Variants in DLGAP2 observed in about 807,000 individuals in gnomAD.
DLGAP2 encodes the protein DLG associated protein 2.
DLGAP2 carries 26 observed loss-of-function variants against 100.3 expected under a neutral mutation model. That is an observed-to-expected ratio of 0.26 (90% CI 0.19 to 0.36). The LOEUF (loss-of-function observed/expected upper bound fraction) is 0.36. Ranked by LOEUF, DLGAP2 falls within the 10% of genes least tolerant of loss-of-function variation. DLGAP2 has a pLI of 1.00. For missense variants in DLGAP2, 1,858 were observed against 1,453.2 expected (o/e 1.28, Z -4.53); for synonymous variants, 886 against 630.1 (o/e 1.41, Z -6.08).
At chr8:943,747 C>G (rs374889250) in intron 2 of DLGAP2, among the ~76,000 whole-genome samples, 1 of 152,240 alleles carries the variant, frequency 6.6e-6, no homozygotes, top group East Asian at 1.9e-4. Flanking sequence ...ACAGCGAGAA[C>G]CGCTCTGTAC....
chr8:1,408,355 T>G (rs1173881560), intron 3 of DLGAP2, among the ~76,000 whole-genome samples: 1 of 152,228 alleles, frequency 6.6e-6, no homozygotes, highest in African/African-American at 2.4e-5. Context: ...GGCGTCTGTG[T>G]TCTCATCAGG....
intron 2 of DLGAP2, among the ~76,000 whole-genome samples, chr8:1,025,437 A>G (rs1801770021): frequency 6.6e-6 from 1 of 152,204 alleles, no homozygotes; most frequent in Non-Finnish European, 1.5e-5. Flanking sequence ...AGAGAAGCCC[A>G]TTTTCTGGTT....
At chr8:811,514 C>G (rs1216805173) in intron 1 of DLGAP2, among the ~76,000 whole-genome samples, 1 of 147,846 alleles carries the variant, frequency 6.8e-6, no homozygotes, top group Non-Finnish European at 1.5e-5. Context: ...TGAGAGGCCA[C>G]CAGCTTTCGG....
chr8:1,381,782 A>AGTGTGTGTGT lies in DLGAP2; in HGVS notation c.107-119551_107-119542dup, dbSNP rs72529197. 5.1e-3 allele frequency among the ~76,000 whole-genome samples: 724 copies of AGTGTGTGTGT among 141,768 alleles called. 2 individuals are homozygous for AGTGTGTGTGT. The highest frequency in any genetic ancestry group is 0.017 in the East Asian group (81 of 4,752). The allele number at this position is 141,768 out of a possible 152,430, so 93.0% of individuals were successfully genotyped here. ...CCTTAGTAAATCTGAGGGTTATTCT[A>AGTGTGTGTGT]GTGTGTGTGTGTGTGTGTGTGTGTG... On this transcript the variant is annotated intron_variant, in intron 3 of 14. Coordinates refer to ENST00000637795, the MANE Select transcript of DLGAP2 (RefSeq NM_001346810.2).
intron 2 of DLGAP2, among the ~76,000 whole-genome samples, chr8:1,131,255 C>T (rs907473430): frequency 9.9e-5 from 15 of 152,216 alleles, no homozygotes; most frequent in African/African-American, 2.9e-4. Context: ...TCAGGAAAAA[C>T]GAGTGACTGG....
At chr8:1,481,862 C>A (rs544641216) in intron 3 of DLGAP2, among the ~76,000 whole-genome samples, 1 of 152,334 alleles carries the variant, frequency 6.6e-6, no homozygotes, top group South Asian at 2.1e-4. Flanking sequence ...AAACTAAACT[C>A]ATGTCAGGGC....
At chr8:962,380 T>C (rs528769747) in intron 2 of DLGAP2, among the ~76,000 whole-genome samples, 70 of 152,322 alleles carry the variant, frequency 4.6e-4, no homozygotes, top group African/African-American at 1.6e-3. Flanking sequence ...ACTTTTGTTC[T>C]GCCTGATCTT....
chr8:1,601,945 G>GATGTGTGTGT (rs1554506576), intron 6 of DLGAP2, among the ~76,000 whole-genome samples: 12,087 of 146,398 alleles, frequency 0.083, 600 homozygotes, highest in Non-Finnish European at 0.11. Flanking sequence ...AATTTAACAG[G>GATGTGTGTGT]GTGTGTGTGT....
At chr8:1,084,749 T>G (rs899453536) in intron 2 of DLGAP2, among the ~76,000 whole-genome samples, 22 of 152,240 alleles carry the variant, frequency 1.4e-4, no homozygotes, top group Non-Finnish European at 3.2e-4. Context: ...ATTGTGTGCG[T>G]ACACCACACT....
chr8:1,581,305 G>A (rs12549834), intron 6 of DLGAP2, among the ~76,000 whole-genome samples: 2 of 135,514 alleles, frequency 1.5e-5, no homozygotes, highest in East Asian at 2.2e-4. Flanking sequence ...CACACACATC[G>A]ACACAACACA....
At chr8:1,341,975 G>A (rs566601699) in intron 3 of DLGAP2, among the ~76,000 whole-genome samples, 17 of 152,184 alleles carry the variant, frequency 1.1e-4, no homozygotes, top group Non-Finnish European at 2.1e-4. Flanking sequence ...TTTTGAGACG[G>A]CATCTCTCTC....
intron 2 of DLGAP2, among the ~76,000 whole-genome samples, chr8:1,189,720 A>G (rs1797592951): frequency 6.8e-6 from 1 of 147,818 alleles, no homozygotes; most frequent in South Asian, 2.2e-4. Context: ...ATATGAAGCG[A>G]GCTCGAGTTA....
intron 2 of DLGAP2, among the ~76,000 whole-genome samples, chr8:977,583 A>G (rs1476150449): frequency 2.6e-5 from 4 of 152,244 alleles, no homozygotes; most frequent in African/African-American, 7.2e-5. Context: ...AACTTTTTCA[A>G]TGAGTTTTAA....
chr8:1,239,983 C>G (rs562648837), intron 2 of DLGAP2, among the ~76,000 whole-genome samples: 3 of 142,282 alleles, frequency 2.1e-5, no homozygotes, highest in East Asian at 4.6e-4. Context: ...AGCGTCTTGT[C>G]TAGTTCTCTC....
chr8:1,200,737 C>G (rs988493126), intron 2 of DLGAP2, among the ~76,000 whole-genome samples: 13 of 151,554 alleles, frequency 8.6e-5, no homozygotes, highest in African/African-American at 2.9e-4. Flanking sequence ...AGCCTGGATT[C>G]GGACTTACAG....
chr8:1,378,451 GC>G (rs1796013908), intron 3 of DLGAP2, among the ~76,000 whole-genome samples: 1 of 148,846 alleles, frequency 6.7e-6, no homozygotes, highest in Admixed American at 6.7e-5. Flanking sequence ...TGTCCATCCT[GC>G]GCACACCTGA....
At chr8:1,641,184 A>G (rs897826327) in intron 8 of DLGAP2, among the ~76,000 whole-genome samples, 2 of 152,216 alleles carry the variant, frequency 1.3e-5, no homozygotes, top group African/African-American at 4.8e-5. Flanking sequence ...TAGAACAGAC[A>G]TGACAGACGA....
chr8:775,278 A>G (rs1821485304), intron 1 of DLGAP2, among the ~76,000 whole-genome samples: 1 of 152,160 alleles, frequency 6.6e-6, no homozygotes, highest in Admixed American at 6.6e-5. Context: ...CTAGATATAC[A>G]ATGATGTCGT....
intron 3 of DLGAP2, among the ~76,000 whole-genome samples, chr8:1,376,990 C>T (rs1354029902): frequency 1.3e-5 from 2 of 152,230 alleles, no homozygotes; most frequent in African/African-American, 2.4e-5. Flanking sequence ...CAGAGTGCAT[C>T]AGGGACCACA....
Sources: allele counts gnomAD v4.1 joint callset (sites outside exome capture counted in the v4.1 genomes callset), GRCh38; gene constraint gnomAD v4.1.1; transcripts MANE v1.5; gene names NCBI Gene and HGNC (gene_info 2026-07-23, HGNC 2026-07-21).